MINPP1: variants seen among roughly 807,000 people sequenced by gnomAD.
MINPP1 encodes multiple inositol-polyphosphate phosphatase 1, also known as multiple inositol polyphosphate phosphatase 1.
In MINPP1, 28 loss-of-function variants were observed where a neutral mutation model predicts 46.1. That is an observed-to-expected ratio of 0.61 (90% CI 0.45 to 0.83). The LOEUF is 0.83. Among genes scored for constraint, MINPP1 ranks in the 40% least tolerant of loss-of-function variants. MINPP1 has a pLI of 0.00. For missense variants in MINPP1, 603 were observed against 610.0 expected, an observed-to-expected ratio of 0.99 and a Z score of 0.12; for synonymous variants, 268 against 249.1, an observed-to-expected ratio of 1.08 and a Z score of -0.72.
intron 2 of MINPP1, among the ~76,000 whole-genome samples, chr10:87,508,907 T>G (rs1474086083): frequency 1.3e-5 from 2 of 152,212 alleles, no homozygotes; most frequent in African/African-American, 4.8e-5. Flanking sequence ...TTTGAAGCAG[T>G]TCAAAAGTAC....
At chr10:87,526,928 A>G (rs183005450) in intron 4 of MINPP1, among the ~76,000 whole-genome samples, 1,715 of 152,306 alleles carry the variant, frequency 0.011, 35 homozygotes, top group African/African-American at 0.039. Context: ...TACCAGTACC[A>G]TGCTGTTTTG....
rs147770312 is a variant in MINPP1, at chr10:87,550,821, A to G, written c.1068-1261A>G. The stretch of plus-strand genomic sequence containing the variant: ...AAATTCCACTCCCAGCAGTTTCTCT[A>G]GTGTGAGCCCTGTGTTTGGAGAGTT... On this transcript the variant is annotated intron_variant, in intron 4 of 4. Coordinates refer to ENST00000371996, the MANE Select transcript of MINPP1 (RefSeq NM_004897.5). 2.8e-4 allele frequency among the ~76,000 whole-genome samples: 43 copies of G among 151,728 alleles called. 1 individual carries two copies. The East Asian group carries it at 8.2e-3, about 29-fold the overall frequency.
intron 3 of MINPP1, 52 bp downstream of exon 3, chr10:87,513,273 C>A: frequency 7.2e-7 from 1 of 1,387,416 alleles, no homozygotes; most frequent in Non-Finnish European, 1.0e-6. Context: ...TTTTTTTTGG[C>A]TTGCTTGTTT....
At chr10:87,528,640 A>G (rs983016670) in intron 4 of MINPP1, among the ~76,000 whole-genome samples, 13 of 152,104 alleles carry the variant, frequency 8.5e-5, no homozygotes, top group Non-Finnish European at 1.9e-4. Flanking sequence ...TATGTGGTCA[A>G]TTTTGGAATA....
intron 1 of MINPP1, among the ~76,000 whole-genome samples, chr10:87,506,645 A>G (rs1473953273): frequency 6.6e-6 from 1 of 152,214 alleles, no homozygotes; most frequent in Non-Finnish European, 1.5e-5. Context: ...AACATACCTA[A>G]TAAGAATAAA....
intron 3 of MINPP1, among the ~76,000 whole-genome samples, chr10:87,520,167 A>G (rs1202065937): frequency 1.3e-5 from 2 of 151,874 alleles, no homozygotes; most frequent in Admixed American, 6.6e-5. Context: ...ATGTCAGTAC[A>G]TGGAAATCTA....
intron 4 of MINPP1, 90 bp downstream of exon 4, chr10:87,521,259 T>C: frequency 7.6e-6 from 8 of 1,054,588 alleles, no homozygotes; most frequent in South Asian, 1.4e-5. Flanking sequence ...TAAAAAATAG[T>C]TTTTGCTTGT....
chr10:87,520,947 G>T, intron 3 of MINPP1, 89 bp from the exon 4 acceptor site: 1 of 659,350 alleles, frequency 1.5e-6, no homozygotes, highest in Non-Finnish European at 2.7e-6. Context: ...ATTAAACATT[G>T]TAACCATTTC....
intron 2 of MINPP1, chr10:87,509,807 T>C: frequency 4.1e-6 from 1 of 243,588 alleles, no homozygotes; most frequent in South Asian, 4.2e-5. Flanking sequence ...TGTTTGCAAT[T>C]CTAGTCCTAC....
At chr10:87,534,889 T>C (rs969381080) in intron 4 of MINPP1, among the ~76,000 whole-genome samples, 4 of 152,222 alleles carry the variant, frequency 2.6e-5, no homozygotes, top group Non-Finnish European at 4.4e-5. Flanking sequence ...ATTTCATGGC[T>C]CCATAACTAA....
intron 4 of MINPP1, among the ~76,000 whole-genome samples, chr10:87,541,801 T>C (rs555221948): frequency 6.6e-6 from 1 of 152,214 alleles, no homozygotes; most frequent in South Asian, 2.1e-4. Context: ...CAACCAAATC[T>C]CATATGAACT....
chr10:87,508,926 G>T lies in MINPP1; in HGVS notation c.835+393G>T, dbSNP rs1163004745. ...AAGCAGTTCAAAAGTACCTGTTAAT[G>T]TGTAAGAGGGGTAAGTTTTAGAAAG... On this transcript the variant is annotated intron_variant, in intron 2 of 4. Coordinates refer to ENST00000371996, the MANE Select transcript of MINPP1 (RefSeq NM_004897.5). 2.0e-5 allele frequency among the ~76,000 whole-genome samples: 3 copies of T among 152,190 alleles called. No individual in the cohort carries two copies. The East Asian group carries it at 5.8e-4, about 29-fold the overall frequency.
intron 3 of MINPP1, among the ~76,000 whole-genome samples, chr10:87,514,327 A>G (rs559164561): frequency 2.0e-5 from 3 of 152,348 alleles, no homozygotes; most frequent in Non-Finnish European, 4.4e-5. Flanking sequence ...TATAGTTCAT[A>G]TTTATGTATA....
At chr10:87,506,514 A>G (rs1851253616) in intron 1 of MINPP1, among the ~76,000 whole-genome samples, 1 of 152,208 alleles carries the variant, frequency 6.6e-6, no homozygotes, top group Non-Finnish European at 1.5e-5. Context: ...AGATGAGGAA[A>G]TTGATACACG....
intron 2 of MINPP1, 36 bp from the exon 3 acceptor site, chr10:87,513,088 A>T: frequency 6.6e-7 from 1 of 1,509,468 alleles, no homozygotes; most frequent in Non-Finnish European, 9.2e-7. Context: ...TGCAGAAAAT[A>T]ATGACCCACA....
At chr10:87,546,907 G>A (rs1232107285) in intron 4 of MINPP1, among the ~76,000 whole-genome samples, 1 of 152,116 alleles carries the variant, frequency 6.6e-6, no homozygotes, top group South Asian at 2.1e-4. Context: ...TCCAGCCTGG[G>A]TGACAGAGCG....
chr10:87,521,194 A>T, intron 4 of MINPP1, 25 bp downstream of exon 4: 1 of 1,596,674 alleles, frequency 6.3e-7, no homozygotes, highest in Non-Finnish European at 8.6e-7. Context: ...AAAAATGTGA[A>T]GTACATTTTG....
chr10:87,530,747 T>G (rs972002017), intron 4 of MINPP1, among the ~76,000 whole-genome samples: 2 of 152,198 alleles, frequency 1.3e-5, no homozygotes, highest in African/African-American at 4.8e-5. Flanking sequence ...CAGGGACGTT[T>G]AAGTCTGCAG....
At chr10:87,533,704 C>CT (rs142181385) in intron 4 of MINPP1, among the ~76,000 whole-genome samples, 4,829 of 151,912 alleles carry the variant, frequency 0.032, 257 homozygotes, top group African/African-American at 0.11. Context: ...CAGTGTTAAC[C>CT]TTTTTTTTCT....
Sources: allele counts gnomAD v4.1 joint callset (sites outside exome capture counted in the v4.1 genomes callset), GRCh38; gene constraint gnomAD v4.1.1; transcripts MANE v1.5; gene names NCBI Gene and HGNC (gene_info 2026-07-23, HGNC 2026-07-21).